Variants in ACVR1C observed in about 807,000 individuals in gnomAD.
ACVR1C encodes activin receptor type-1C.
Under a neutral mutation model 57.9 loss-of-function variants are expected in ACVR1C, and 23 were observed. That is an observed-to-expected ratio of 0.40 (90% CI 0.29 to 0.56). The LOEUF is 0.56. Ranked by LOEUF, ACVR1C falls within the 20% of genes least tolerant of loss-of-function variation. The pLI is 0.50. For synonymous variants in ACVR1C, 214 were observed against 215.3 expected (o/e 0.99, Z 0.05); for missense variants, 480 against 607.9 (o/e 0.79, Z 2.21).
intron 3 of ACVR1C, among the ~76,000 whole-genome samples, chr2:157,554,283 G>GGAAGGAAGGAAGGA (rs1339528061): frequency 1.2e-4 from 13 of 109,960 alleles, no homozygotes; most frequent in African/African-American, 6.0e-4. Context: ...AAGGAAGGAA[G>GGAAGGAAGGAAGGA]AGAGAGAGAG....
chr2:157,599,338 AAAAAAAAAAAAAAAG>A (rs1682226407), intron 1 of ACVR1C, among the ~76,000 whole-genome samples: 3 of 137,814 alleles, frequency 2.2e-5, no homozygotes. Context: ...AAAAAAAAAA[AAAAAAAAAAAAAAAG>A]GCTGAATAAT....
chr2:157,554,217 A>AAGAAAGAAAGAGAGAG (rs1688005577), intron 3 of ACVR1C, among the ~76,000 whole-genome samples: 2 of 104,434 alleles, frequency 1.9e-5, no homozygotes, highest in African/African-American at 9.3e-5. Flanking sequence ...GAAAGAAAGA[A>AAGAAAGAAAGAGAGAG]AGAAAGAAAG....
intron 1 of ACVR1C, among the ~76,000 whole-genome samples, chr2:157,620,293 C>T (rs1305038940): frequency 6.6e-6 from 1 of 151,922 alleles, no homozygotes; most frequent in Non-Finnish European, 1.5e-5. Flanking sequence ...TGACAGATTG[C>T]AAGTAGAATT....
chr2:157,582,627 AAG>A (rs1334494321), intron 2 of ACVR1C, among the ~76,000 whole-genome samples: 1 of 152,302 alleles, frequency 6.6e-6, no homozygotes, highest in South Asian at 2.1e-4. Flanking sequence ...TTAAGGGTAA[AAG>A]AATGAATGCA....
In ACVR1C at chr2:157,542,701, C is replaced by T. The variant is rs1322112036; in HGVS notation, c.1100+5G>A. On this transcript the variant is annotated splice_donor_5th_base_variant and intron_variant, in intron 6 of 8. Coordinates refer to ENST00000243349, the MANE Select transcript of ACVR1C (RefSeq NM_145259.3). ...TTACTATGCTACCCAAGTCAGTCGT[C>T]TTACCTCTTGGTTCCCACTTTAGGA... 6.2e-7 allele frequency: 1 copy of T among 1,611,828 alleles called. No individual in the cohort carries two copies. The highest frequency in any genetic ancestry group is 8.5e-7 in the Non-Finnish European group (1 of 1,179,132).
chr2:157,527,348 G>T lies in ACVR1C; in HGVS notation c.*6570C>A, dbSNP rs1260077667. ...TCTTTTTACATACTTAAGAGTATCA[G>T]CTAGCTTACAAAAAGTCTTTACAAC... On this transcript the variant is annotated 3_prime_UTR_variant, in exon 9 of 9. Coordinates refer to ENST00000243349, the MANE Select transcript of ACVR1C (RefSeq NM_145259.3). The T allele has an allele frequency of 1.3e-5, 2 of 152,086 alleles. No individual in the cohort carries two copies. Among genetic ancestry groups the T allele is most frequent in the Non-Finnish European group, 2.9e-5 (2 of 68,012 alleles). The allele number at this position is 152,086 out of a possible 1,614,324, so 9.4% of individuals were successfully genotyped here.
chr2:157,576,836 T>C (rs1245529663), intron 2 of ACVR1C, among the ~76,000 whole-genome samples: 1 of 45,552 alleles, frequency 2.2e-5, no homozygotes, highest in South Asian at 5.3e-4. Context: ...TGAAATTTTC[T>C]TTTTTTTTTT....
chr2:157,578,379 T>C (rs989332808), intron 2 of ACVR1C, among the ~76,000 whole-genome samples: 11 of 152,186 alleles, frequency 7.2e-5, no homozygotes, highest in Non-Finnish European at 1.5e-4. Flanking sequence ...ATAAGGTCCT[T>C]AGAACATTTT....
chr2:157,583,494 C>T (rs1420429845), intron 2 of ACVR1C, among the ~76,000 whole-genome samples: 3 of 152,052 alleles, frequency 2.0e-5, no homozygotes, highest in African/African-American at 7.2e-5. Flanking sequence ...AAAATCTCAG[C>T]GTGTGTTTTT....
chr2:157,534,881 C>A (rs569988373), intron 8 of ACVR1C, among the ~76,000 whole-genome samples: 8 of 152,080 alleles, frequency 5.3e-5, no homozygotes, highest in Admixed American at 4.6e-4. Flanking sequence ...GCCAGCCAGG[C>A]GCAGTGTCTC....
At chr2:157,597,334 GC>G (rs1573945482) in intron 1 of ACVR1C, 1 of 985,630 alleles carries the variant, frequency 1.0e-6, no homozygotes, top group East Asian at 1.1e-4. Flanking sequence ...TGGCACCCCG[GC>G]CCGCCCCCGG....
At chr2:157,614,785 G>A (rs1002329711) in intron 1 of ACVR1C, among the ~76,000 whole-genome samples, 5 of 152,052 alleles carry the variant, frequency 3.3e-5, no homozygotes, top group Admixed American at 1.3e-4. Context: ...TATTTTGTTT[G>A]TTATTAATAT....
At chr2:157,556,018 T>G (rs984068785) in intron 3 of ACVR1C, 75 bp downstream of exon 3, 169 of 1,485,508 alleles carry the variant, frequency 1.1e-4, no homozygotes, top group Non-Finnish European at 1.4e-4. Context: ...TTGGGCCCTT[T>G]TTGTTAAAAA....
At chr2:157,620,446 G>A (rs1388858688) in intron 1 of ACVR1C, among the ~76,000 whole-genome samples, 2 of 151,938 alleles carry the variant, frequency 1.3e-5, no homozygotes, top group Non-Finnish European at 2.9e-5. Context: ...AAATGCCATC[G>A]GATAAAGTTG....
intron 1 of ACVR1C, among the ~76,000 whole-genome samples, chr2:157,608,709 T>C (rs892283768): frequency 1.3e-5 from 2 of 151,962 alleles, no homozygotes; most frequent in Admixed American, 6.6e-5. Flanking sequence ...CTTGATAGGC[T>C]GTATGTTTCC....
chr2:157,550,543 T>G, intron 3 of ACVR1C, 151 bp from the exon 4 acceptor site: 1 of 669,516 alleles, frequency 1.5e-6, no homozygotes, highest in Non-Finnish European at 2.5e-6. Flanking sequence ...TATAGCAAAC[T>G]TATTTAATGT....
intron 8 of ACVR1C, among the ~76,000 whole-genome samples, chr2:157,538,144 A>G (rs1324607420): frequency 6.6e-6 from 1 of 152,172 alleles, no homozygotes; most frequent in East Asian, 1.9e-4. Flanking sequence ...GGTAGGAGCC[A>G]TAAGTGGAAA....
intron 3 of ACVR1C, among the ~76,000 whole-genome samples, chr2:157,553,194 C>A (rs949217797): frequency 1.3e-5 from 2 of 152,180 alleles, no homozygotes; most frequent in South Asian, 4.1e-4. Context: ...CTCCTCCAAT[C>A]CCCTCCCTAC....
At chr2:157,609,330 G>A (rs1682478577) in intron 1 of ACVR1C, among the ~76,000 whole-genome samples, 2 of 151,896 alleles carry the variant, frequency 1.3e-5, no homozygotes, top group Non-Finnish European at 2.9e-5. Context: ...GGTCTGAGAA[G>A]ATACTTGATA....
Sources: gnomAD v4.1 joint callset for allele counts (sites outside exome capture counted in the v4.1 genomes callset) on GRCh38, gnomAD v4.1.1 for gene constraint, MANE v1.5 for transcripts, NCBI Gene and HGNC (gene_info 2026-07-23, HGNC 2026-07-21) for gene names.